Variants in COL5A2 observed in about 807,000 individuals in gnomAD.
COL5A2 encodes the protein collagen type V alpha 2 chain, also known as collagen alpha-2(V) chain.
Under a neutral mutation model 208.2 loss-of-function variants are expected in COL5A2, and 23 were observed. That is an observed-to-expected ratio of 0.11 (90% CI 0.08 to 0.16). The LOEUF (loss-of-function observed/expected upper bound fraction) is 0.16, where lower values mean the gene tolerates loss of function less well. Among genes scored for constraint, COL5A2 ranks in the 10% least tolerant of loss-of-function variants. The pLI is 1.00. For missense variants in COL5A2, 1,590 were observed against 1,956.4 expected, an observed-to-expected ratio of 0.81 and a Z score of 3.53; for synonymous variants, 625 against 628.5, an observed-to-expected ratio of 0.99 and a Z score of 0.08.
intron 17 of COL5A2, 131 bp from the exon 18 acceptor site, chr2:189,072,224 A>C: frequency 1.5e-6 from 1 of 671,472 alleles, no homozygotes. Flanking sequence ...AAAATTACAA[A>C]GATAATAGGC....
chr2:189,323,621 G>T, the COL5A2 span, among the ~76,000 whole-genome samples: 64 of 152,272 alleles, frequency 4.2e-4, no homozygotes, highest in African/African-American at 1.4e-3. Flanking sequence ...CTAGGGATGT[G>T]AAGGACCTTT....
intron 1 of COL5A2, among the ~76,000 whole-genome samples, chr2:189,203,303 T>C (rs1244242253): frequency 2.0e-5 from 3 of 152,192 alleles, no homozygotes; most frequent in Admixed American, 2.0e-4. Context: ...CTCTAACTTA[T>C]AATCAACACA....
the COL5A2 span, among the ~76,000 whole-genome samples, chr2:189,396,285 A>C: frequency 6.6e-6 from 1 of 152,210 alleles, no homozygotes; most frequent in African/African-American, 2.4e-5. Flanking sequence ...GTACATGCAG[A>C]CAATTTTGGA....
At chr2:189,184,105 C>A (rs73980177), upstream of COL5A2, among the ~76,000 whole-genome samples, 4,507 of 152,074 alleles carry the variant, frequency 0.03, 79 homozygotes, top group Admixed American at 0.046. Flanking sequence ...AACAAGTAGG[C>A]AAATATACAA....
intron 17 of COL5A2, among the ~76,000 whole-genome samples, chr2:189,073,059 G>GA (rs1423079711): frequency 6.6e-6 from 1 of 152,014 alleles, no homozygotes; most frequent in Admixed American, 6.6e-5. Context: ...AGAAACAAGG[G>GA]AGAAAAGATC....
the COL5A2 span, among the ~76,000 whole-genome samples, chr2:189,252,954 C>A: frequency 1.3e-5 from 2 of 152,004 alleles, no homozygotes; most frequent in African/African-American, 4.8e-5. Flanking sequence ...CATTATATGC[C>A]ACACTAAGAA....
chr2:189,272,001 C>T, the COL5A2 span, among the ~76,000 whole-genome samples: 1 of 152,124 alleles, frequency 6.6e-6, no homozygotes, highest in Non-Finnish European at 1.5e-5. Flanking sequence ...ATTAAAAAGT[C>T]AGAAAACAAC....
chr2:189,177,633 A>C (rs1465203707), intron 1 of COL5A2, among the ~76,000 whole-genome samples: 1 of 152,146 alleles, frequency 6.6e-6, no homozygotes, highest in African/African-American at 2.4e-5. Flanking sequence ...TGATGTTTGG[A>C]ATTCCATTTT....
At chr2:189,419,880 G>GGAGGAGAGGA in the COL5A2 span, among the ~76,000 whole-genome samples, 4 of 146,920 alleles carry the variant, frequency 2.7e-5, no homozygotes, top group South Asian at 8.7e-4. Flanking sequence ...AGGAGGAGGA[G>GGAGGAGAGGA]GAGGAGAGGA....
At chr2:189,323,854 G>A in the COL5A2 span, among the ~76,000 whole-genome samples, 2 of 152,134 alleles carry the variant, frequency 1.3e-5, no homozygotes, top group African/African-American at 4.8e-5. Flanking sequence ...AAAAGAGCCT[G>A]CATTGCCAAG....
the COL5A2 span, among the ~76,000 whole-genome samples, chr2:189,419,360 A>G: frequency 6.6e-6 from 1 of 152,200 alleles, no homozygotes; most frequent in Admixed American, 6.5e-5. Context: ...AAAGAATACA[A>G]TCATTAGTTT....
At chr2:189,275,203 G>T in the COL5A2 span, among the ~76,000 whole-genome samples, 150 of 152,046 alleles carry the variant, frequency 9.9e-4, no homozygotes, top group Admixed American at 1.9e-3. Flanking sequence ...GCCTACTTTT[G>T]CATAGAAGTT....
chr2:189,180,876 T>C (rs1041669658), upstream of COL5A2, among the ~76,000 whole-genome samples: 3 of 152,282 alleles, frequency 2.0e-5, no homozygotes, highest in Non-Finnish European at 2.9e-5. Context: ...TCTAATGTAT[T>C]TGCCACCTTG....
At chr2:189,230,382 G>A in the COL5A2 span, among the ~76,000 whole-genome samples, 3 of 151,844 alleles carry the variant, frequency 2.0e-5, no homozygotes, top group Admixed American at 1.3e-4. Context: ...AGAGTCAAAA[G>A]GCAGCCCACA....
intron 1 of COL5A2, among the ~76,000 whole-genome samples, chr2:189,133,509 A>G (rs570057161): frequency 3.3e-5 from 5 of 152,246 alleles, no homozygotes; most frequent in Admixed American, 1.3e-4. Context: ...TTGAACATCA[A>G]CTAACAGCAT....
chr2:189,048,201 G>T lies in COL5A2; in HGVS notation c.3201+8C>A, dbSNP rs751150447. 1.2e-6 allele frequency: 2 copies of T among 1,612,092 alleles called. No homozygotes were observed. Among genetic ancestry groups the T allele is most frequent in the Admixed American group, 1.7e-5 (1 of 59,992 alleles). The stretch of plus-strand genomic sequence containing the variant: ...TTTAGATTTTATAATAAGTGAAATG[G>T]CTCTTACACGTTCTCCAACAGCACC... On this transcript the variant is annotated splice_region_variant and intron_variant, in intron 45 of 53. Transcript: ENST00000374866.
chr2:189,283,710 T>C, the COL5A2 span, among the ~76,000 whole-genome samples: 2 of 152,144 alleles, frequency 1.3e-5, no homozygotes, highest in Admixed American at 1.3e-4. Context: ...TCATTAATTG[T>C]GACAAATGTG....
chr2:189,193,966 A>C (rs753808917), intron 1 of COL5A2, among the ~76,000 whole-genome samples: 3 of 152,246 alleles, frequency 2.0e-5, no homozygotes, highest in Non-Finnish European at 2.9e-5. Context: ...TCTTCTAATT[A>C]GTTGTTTTGA....
At chr2:189,259,159 C>T in the COL5A2 span, among the ~76,000 whole-genome samples, 1 of 152,128 alleles carries the variant, frequency 6.6e-6, no homozygotes, top group Admixed American at 6.5e-5. Context: ...TCCAGAAATG[C>T]TTCTGGTGGC....
Sources: gnomAD v4.1 joint callset for allele counts (sites outside exome capture counted in the v4.1 genomes callset) on GRCh38, gnomAD v4.1.1 for gene constraint, MANE v1.5 for transcripts, NCBI Gene and HGNC (gene_info 2026-07-23, HGNC 2026-07-21) for gene names.